Variants in CPE observed in about 807,000 individuals in gnomAD.
CPE encodes the protein carboxypeptidase E, also known as carbocypeptidase E.
In CPE, 17 loss-of-function variants were observed where a neutral mutation model predicts 53.5. The observed-to-expected ratio is 0.32, with a 90% CI of 0.22 to 0.48. The LOEUF is 0.48. Among genes scored for constraint, CPE ranks in the 20% least tolerant of loss-of-function variants. The pLI is 0.99. For synonymous variants in CPE, 226 were observed against 228.8 expected, an observed-to-expected ratio of 0.99 and a Z score of 0.11; for missense variants, 524 against 614.7, an observed-to-expected ratio of 0.85 and a Z score of 1.56.
intron 1 of CPE, among the ~76,000 whole-genome samples, chr4:165,429,297 G>A (rs1474855023): frequency 6.6e-6 from 1 of 152,058 alleles, no homozygotes; most frequent in Non-Finnish European, 1.5e-5. Context: ...TTCTTTGGGG[G>A]CAATTAGGTT....
At chr4:165,416,431 G>A (rs1270078111) in intron 1 of CPE, among the ~76,000 whole-genome samples, 1 of 152,140 alleles carries the variant, frequency 6.6e-6, no homozygotes, top group Non-Finnish European at 1.5e-5. Flanking sequence ...ATTTCCAGTA[G>A]TGTAGCTCAT....
intron 1 of CPE, among the ~76,000 whole-genome samples, chr4:165,443,888 T>C (rs1314973544): frequency 2.6e-5 from 4 of 152,100 alleles, no homozygotes; most frequent in African/African-American, 9.7e-5. Context: ...ATGGGATTAG[T>C]GCCCTTACAA....
At chr4:165,452,708 C>T (rs1731833104) in intron 1 of CPE, among the ~76,000 whole-genome samples, 4 of 152,124 alleles carry the variant, frequency 2.6e-5, no homozygotes, top group Admixed American at 2.6e-4. Flanking sequence ...CCTTCATGGC[C>T]CTCAGCTGTT....
chr4:165,445,620 A>G (rs1444545823), intron 1 of CPE, among the ~76,000 whole-genome samples: 1 of 152,216 alleles, frequency 6.6e-6, no homozygotes, highest in Non-Finnish European at 1.5e-5. Flanking sequence ...CCACATGAAG[A>G]AAGATGTACT....
At position 165,431,575 on chromosome 4, in the gene CPE, A is replaced by G. The variant is rs550525611; in HGVS notation, c.308-32815A>G. On this transcript the variant is annotated intron_variant, in intron 1 of 8. Transcript: ENST00000402744. Reference sequence around the variant, plus strand: ...TAATAATAGGGGGAGATTTTCTGAAAAAGACCAGGCATTTTCCACCACAAC... The same window carrying G: ...TAATAATAGGGGGAGATTTTCTGAAGAAGACCAGGCATTTTCCACCACAAC... Among the ~76,000 whole-genome samples the G allele has an allele frequency of 7.2e-5, 11 of 152,336 alleles. No individual in the cohort carries two copies. In the East Asian group the frequency reaches 2.1e-3, roughly 29 times the overall value.
chr4:165,429,678 G>C (rs563518596), intron 1 of CPE, among the ~76,000 whole-genome samples: 1 of 150,060 alleles, frequency 6.7e-6, no homozygotes, highest in Non-Finnish European at 1.5e-5. Context: ...CTCCAGCTTG[G>C]GTGACAGAGT....
chr4:165,406,020 T>C (rs1255073426), intron 1 of CPE: 2 of 755,088 alleles, frequency 2.6e-6, no homozygotes, highest in Non-Finnish European at 5.0e-6. Context: ...GTCTTGCAAG[T>C]GGCTAAAATG....
rs1009187465 is a variant in CPE at position 165,479,709 on chromosome 4, G to T, written c.673-2533G>T. ...TAATTTTTTTTACTAAACAACTCTTGCAAGTCAAAAAGAAAAGCTATGCAT... is the reference window on the plus strand; with the variant it reads ...TAATTTTTTTTACTAAACAACTCTTTCAAGTCAAAAAGAAAAGCTATGCAT... On this transcript the variant is annotated intron_variant, in intron 3 of 8. Transcript: ENST00000402744. Among the ~76,000 whole-genome samples the T allele has an allele frequency of 2.0e-5, 3 of 152,080 alleles. No homozygotes were observed. In the South Asian group the frequency reaches 6.2e-4, roughly 31 times the overall value.
chr4:165,405,053 C>T, intron 1 of CPE: 1 of 720,164 alleles, frequency 1.4e-6, no homozygotes, highest in Non-Finnish European at 2.6e-6. Flanking sequence ...TCTTTCAAAA[C>T]CTTGGTAATC....
chr4:165,462,991 G>A (rs1300137836), intron 1 of CPE, among the ~76,000 whole-genome samples: 1 of 152,172 alleles, frequency 6.6e-6, no homozygotes, highest in African/African-American at 2.4e-5. Flanking sequence ...TAGTGATTTT[G>A]TAAATGCAGA....
At chr4:165,413,748 C>A (rs183341528) in intron 1 of CPE, among the ~76,000 whole-genome samples, 1 of 152,278 alleles carries the variant, frequency 6.6e-6, no homozygotes. Context: ...CAACACAGCT[C>A]AAGAGGTCAC....
At chr4:165,411,741 TA>T (rs967110787) in intron 1 of CPE, among the ~76,000 whole-genome samples, 4 of 152,144 alleles carry the variant, frequency 2.6e-5, no homozygotes, top group African/African-American at 7.2e-5. Context: ...ATTAATGCAA[TA>T]AAAAATTATA....
rs1241191442 is a variant in CPE, at chr4:165,434,115, A to G, written c.308-30275A>G. 6.2e-5 allele frequency among the ~76,000 whole-genome samples: 6 copies of G among 96,058 alleles called. No homozygotes were observed. In the East Asian group the frequency reaches 2.8e-3, roughly 45 times the overall value. The allele number at this position is 96,058 out of a possible 152,430, so 63.0% of individuals were successfully genotyped here. A position where few individuals can be genotyped will look rare whatever the true frequency, so the allele number is the denominator to read the frequency against. On this transcript the variant is annotated intron_variant, in intron 1 of 8. Transcript: ENST00000402744. ...TTTAGTTTTTTTCTACTAGATCCAT[A>G]CTTTTTTTTCATTTATCTCAACTTT...
chr4:165,413,935 G>A (rs1305388068), intron 1 of CPE, among the ~76,000 whole-genome samples: 1 of 152,166 alleles, frequency 6.6e-6, no homozygotes, highest in Non-Finnish European at 1.5e-5. Context: ...TCTATTCTAA[G>A]TTAAATTATT....
intron 1 of CPE, among the ~76,000 whole-genome samples, chr4:165,419,097 C>T (rs1731168148): frequency 6.6e-6 from 1 of 152,102 alleles, no homozygotes; most frequent in African/African-American, 2.4e-5. Flanking sequence ...CAACTCTTTT[C>T]TAGGTCATTA....
At chr4:165,446,758 T>A (rs765937136) in intron 1 of CPE, among the ~76,000 whole-genome samples, 4 of 152,246 alleles carry the variant, frequency 2.6e-5, no homozygotes, top group Non-Finnish European at 4.4e-5. Flanking sequence ...TTGCTACAAT[T>A]GTTTTGGGAA....
At chr4:165,439,420 C>G (rs1405253820) in intron 1 of CPE, among the ~76,000 whole-genome samples, 1 of 152,074 alleles carries the variant, frequency 6.6e-6, no homozygotes, top group Admixed American at 6.6e-5. Flanking sequence ...GTTGGTCATT[C>G]TGATTTATAA....
At chr4:165,442,204 A>C (rs770179586) in intron 1 of CPE, among the ~76,000 whole-genome samples, 25 of 151,788 alleles carry the variant, frequency 1.6e-4, no homozygotes, top group Non-Finnish European at 3.1e-4. Context: ...TACCATGCCC[A>C]GCTAATTTTG....
rs116613109 is a variant in CPE at position 165,493,305 on chromosome 4, T to A, written c.1213+35T>A. The A allele has an allele frequency of 1.2e-4, 163 of 1,380,934 alleles. No homozygotes were observed. In the African/African-American group the frequency reaches 2.0e-3, roughly 17 times the overall value. The allele number at this position is 1,380,934 out of a possible 1,614,324, so 85.5% of individuals were successfully genotyped here. A position where few individuals can be genotyped will look rare whatever the true frequency, so the allele number is the denominator to read the frequency against. ...TGCCACAATTGGAGGCTCTACGTTA[T>A]GTACAAGAGCATAATTACTAATTAT... is the stretch of plus-strand genomic sequence containing the variant. On this transcript the variant is annotated intron_variant, in intron 7 of 8. Transcript: ENST00000402744.
Sources: gnomAD v4.1 joint callset for allele counts (sites outside exome capture counted in the v4.1 genomes callset) on GRCh38, gnomAD v4.1.1 for gene constraint, MANE v1.5 for transcripts, NCBI Gene and HGNC (gene_info 2026-07-23, HGNC 2026-07-21) for gene names.